FAM193A: variants seen among roughly 807,000 people sequenced by gnomAD.
FAM193A encodes the protein protein FAM193A.
A neutral mutation model predicts 126.5 loss-of-function variants in FAM193A; 22 were observed. The ratio of observed to expected loss-of-function variants is 0.17; its 90% CI spans 0.12 to 0.25. FAM193A has a LOEUF of 0.25. Among genes scored for constraint, FAM193A ranks in the 10% least tolerant of loss-of-function variants. FAM193A has a pLI of 1.00. For synonymous variants in FAM193A, 761 were observed against 646.8 expected (o/e 1.18, Z -2.68); for missense variants, 1,675 against 1,672.8 (o/e 1.00, Z -0.02).
At chr4:2,543,894 A>C (rs1407622800) in intron 1 of FAM193A, among the ~76,000 whole-genome samples, 1 of 137,578 alleles carries the variant, frequency 7.3e-6, no homozygotes, top group South Asian at 2.2e-4. Context: ...AAAAAAAAAA[A>C]ACCAAAAAAT....
intron 1 of FAM193A, among the ~76,000 whole-genome samples, chr4:2,563,304 C>T (rs1408516421): frequency 6.6e-6 from 1 of 152,186 alleles, no homozygotes; most frequent in African/African-American, 2.4e-5. Flanking sequence ...GAGACACTTC[C>T]AATTCAGGAA....
At chr4:2,621,898 C>T (rs1025682889) in intron 2 of FAM193A, among the ~76,000 whole-genome samples, 2 of 152,156 alleles carry the variant, frequency 1.3e-5, no homozygotes, top group African/African-American at 4.8e-5. Context: ...ACTCCATGGC[C>T]TTCCAGCCAC....
intron 1 of FAM193A, among the ~76,000 whole-genome samples, chr4:2,541,657 G>T (rs1340390129): frequency 3.3e-5 from 5 of 151,918 alleles, no homozygotes; most frequent in Non-Finnish European, 7.4e-5. Context: ...TGTTGGCTAG[G>T]ATGGTTTCTC....
intron 4 of FAM193A, among the ~76,000 whole-genome samples, chr4:2,628,684 A>G (rs1464243851): frequency 6.6e-6 from 1 of 152,190 alleles, no homozygotes; most frequent in Non-Finnish European, 1.5e-5. Flanking sequence ...GTATTAGGAA[A>G]AAATGTATAA....
chr4:2,677,403 GTTGTTTTGTTTTGTT>G (rs144082339), intron 13 of FAM193A, among the ~76,000 whole-genome samples: 60 of 151,896 alleles, frequency 4.0e-4, no homozygotes, highest in Admixed American at 1.3e-3. Context: ...GGGTTTTTTT[GTTGTTTTGTTTTGTT>G]TTGTTTTGTT....
chr4:2,545,777 G>A (rs897658918), intron 1 of FAM193A, among the ~76,000 whole-genome samples: 3 of 152,146 alleles, frequency 2.0e-5, no homozygotes, highest in Non-Finnish European at 4.4e-5. Context: ...AGCCTGTCCT[G>A]CTCAAGCAGT....
intron 12 of FAM193A, among the ~76,000 whole-genome samples, chr4:2,667,859 T>G (rs1443537939): frequency 6.6e-6 from 1 of 152,214 alleles, no homozygotes; most frequent in African/African-American, 2.4e-5. Context: ...CTCTTGTGAA[T>G]GTCGTTATAA....
At chr4:2,538,983 C>T (rs994076154) in intron 1 of FAM193A, among the ~76,000 whole-genome samples, 4 of 152,006 alleles carry the variant, frequency 2.6e-5, no homozygotes, top group South Asian at 4.2e-4. Context: ...CTCTGTCTCC[C>T]GGGTTCAAGC....
chr4:2,586,254 A>AAT lies in FAM193A; in HGVS notation c.256-9816_256-9815dup, dbSNP rs1436816419. On this transcript the variant is annotated intron_variant, in intron 1 of 20. Coordinates refer to ENST00000637812, the MANE Select transcript of FAM193A (RefSeq NM_001366318.2). ...GCAAAAACTCCGTCTCAAAAAAAAA[A>AAT]ATATATATATATATAGTTGAATCTG... 2.3e-3 allele frequency among the ~76,000 whole-genome samples: 341 copies of AAT among 150,872 alleles called. 4 individuals carry two copies. Among genetic ancestry groups the AAT allele is most frequent in the East Asian group, 5.1e-3 (26 of 5,132 alleles).
chr4:2,727,208 G>A (rs888602106), intron 20 of FAM193A, among the ~76,000 whole-genome samples: 2 of 151,524 alleles, frequency 1.3e-5, no homozygotes, highest in Admixed American at 6.6e-5. Flanking sequence ...GCAATGAGCC[G>A]AGATCGCGTC....
intron 13 of FAM193A, among the ~76,000 whole-genome samples, chr4:2,678,744 A>G (rs1195130556): frequency 6.6e-6 from 1 of 152,154 alleles, no homozygotes; most frequent in Non-Finnish European, 1.5e-5. Flanking sequence ...TAGTGTATAG[A>G]CATGCAGCTG....
At chr4:2,695,713 A>G (rs934614471) in intron 17 of FAM193A, among the ~76,000 whole-genome samples, 1 of 152,196 alleles carries the variant, frequency 6.6e-6, no homozygotes, top group African/African-American at 2.4e-5. Context: ...GAAACCCACA[A>G]ATGGATGGAA....
chr4:2,703,393 C>T (rs1433658628), intron 19 of FAM193A, among the ~76,000 whole-genome samples: 6 of 152,208 alleles, frequency 3.9e-5, no homozygotes, highest in East Asian at 3.9e-4. Context: ...ATTACAGGCA[C>T]GTGCCACCAT....
intron 1 of FAM193A, among the ~76,000 whole-genome samples, chr4:2,564,351 G>C (rs2108845742): frequency 6.6e-6 from 1 of 152,184 alleles, no homozygotes; most frequent in East Asian, 1.9e-4. Flanking sequence ...ACCAAGTGCT[G>C]GGATTACAGG....
intron 2 of FAM193A, among the ~76,000 whole-genome samples, chr4:2,623,077 C>G (rs748376007): frequency 6.6e-6 from 1 of 152,014 alleles, no homozygotes; most frequent in Non-Finnish European, 1.5e-5. Flanking sequence ...ATTCTGGGGT[C>G]TGCTTCCCCA....
intron 12 of FAM193A, among the ~76,000 whole-genome samples, chr4:2,668,100 TCCCTGTGTTG>T (rs1249131576): frequency 6.6e-6 from 1 of 152,056 alleles, no homozygotes; most frequent in African/African-American, 2.4e-5. Context: ...AGACAAGGTC[TCCCTGTGTTG>T]CCCAAGTTTG....
chr4:2,646,312 A>C (rs1332279972), intron 6 of FAM193A, among the ~76,000 whole-genome samples: 1 of 151,490 alleles, frequency 6.6e-6, no homozygotes, highest in Non-Finnish European at 1.5e-5. Context: ...TGGGGCTATG[A>C]GTGCCTGCCA....
rs181271729 is a variant in FAM193A, at chr4:2,555,694, C to T, written c.255+18524C>T. ...GTGCAGTGGCGCAATCTCGGCTCGC[C>T]GCAAGCTCTGCCTCCCGGGCTCACG... On this transcript the variant is annotated intron_variant, in intron 1 of 20. Coordinates refer to ENST00000637812, the MANE Select transcript of FAM193A (RefSeq NM_001366318.2). Among the ~76,000 whole-genome samples the T allele has an allele frequency of 3.6e-3, 553 of 151,524 alleles. 4 individuals are homozygous for T. The highest frequency in any genetic ancestry group is 0.013 in the African/African-American group (535 of 41,278).
chr4:2,546,713 A>G (rs1051761494), intron 1 of FAM193A, among the ~76,000 whole-genome samples: 2 of 152,186 alleles, frequency 1.3e-5, no homozygotes, highest in African/African-American at 4.8e-5. Flanking sequence ...GTGATTATAA[A>G]TAGAGTTGCC....
Sources: gnomAD v4.1 joint callset for allele counts (sites outside exome capture counted in the v4.1 genomes callset) on GRCh38, gnomAD v4.1.1 for gene constraint, MANE v1.5 for transcripts, NCBI Gene and HGNC (gene_info 2026-07-23, HGNC 2026-07-21) for gene names.